The following SIMC1 variants were observed in gnomAD, a reference collection of about 807,000 sequenced individuals.
The protein encoded by SIMC1 is SUMO-interacting motif-containing protein 1.
SIMC1 carries 55 observed loss-of-function variants against 82.3 expected under a neutral mutation model. The ratio of observed to expected loss-of-function variants is 0.67; its 90% CI spans 0.54 to 0.84. The LOEUF is 0.84. Among genes scored for constraint, SIMC1 ranks in the 40% least tolerant of loss-of-function variants. SIMC1 has a pLI of 0.00. For synonymous variants in SIMC1, 353 were observed against 426.3 expected, an observed-to-expected ratio of 0.83 and a Z score of 2.12; for missense variants, 915 against 1,107.2, an observed-to-expected ratio of 0.83 and a Z score of 2.46.
At chr5:176,280,903 T>C (rs1193680605) in intron 1 of SIMC1, among the ~76,000 whole-genome samples, 1 of 152,188 alleles carries the variant, frequency 6.6e-6, no homozygotes, top group Non-Finnish European at 1.5e-5. Context: ...CTGACAATTA[T>C]GTGTCTTGGA....
chr5:176,323,398 C>A (rs911008550), intron 6 of SIMC1, among the ~76,000 whole-genome samples: 2 of 152,110 alleles, frequency 1.3e-5, no homozygotes, highest in Admixed American at 1.3e-4. Context: ...ACAATAGGGT[C>A]CCCTAAAAGT....
At chr5:176,260,774 C>T (rs1052753824) in intron 1 of SIMC1, among the ~76,000 whole-genome samples, 12 of 152,064 alleles carry the variant, frequency 7.9e-5, no homozygotes, top group Non-Finnish European at 1.6e-4. Flanking sequence ...GTACAGAACT[C>T]CCACCTTCAG....
intron 4 of SIMC1, among the ~76,000 whole-genome samples, chr5:176,307,167 A>C (rs1408605948): frequency 6.6e-6 from 1 of 152,226 alleles, no homozygotes; most frequent in Non-Finnish European, 1.5e-5. Context: ...AAGTGTGGGC[A>C]AGAATTTGGA....
At chr5:176,252,988 A>C (rs1258840336) in intron 1 of SIMC1, among the ~76,000 whole-genome samples, 1 of 152,132 alleles carries the variant, frequency 6.6e-6, no homozygotes, top group Non-Finnish European at 1.5e-5. Flanking sequence ...AAAAATACGA[A>C]AACCAGTCAG....
At chr5:176,245,362 G>A (rs1263592329) in intron 1 of SIMC1, among the ~76,000 whole-genome samples, 5 of 152,146 alleles carry the variant, frequency 3.3e-5, no homozygotes, top group African/African-American at 4.8e-5. Context: ...AAAAAGGCAT[G>A]AAACAGATTC....
At chr5:176,258,156 G>A (rs1384090326) in intron 1 of SIMC1, among the ~76,000 whole-genome samples, 2 of 152,118 alleles carry the variant, frequency 1.3e-5, no homozygotes, top group South Asian at 2.1e-4. Context: ...CTAGTGTTTC[G>A]ATTTTGAATG....
chr5:176,308,842 C>T lies in SIMC1; in HGVS notation c.1735-4849C>T. ...AGCCTTACACATCTGGACTCATAAC[C>T]AAGATCCATAATGGCTCAGTGTTTA... On this transcript the variant is annotated intron_variant, in intron 4 of 9. Coordinates refer to ENST00000429602, the MANE Select transcript of SIMC1 (RefSeq NM_001308195.2). 3 of 1,249,854 alleles carry T rather than the reference C, an allele frequency of 2.4e-6. No individual in the cohort carries two copies. In the South Asian group the frequency reaches 3.6e-5, roughly 15 times the overall value. 77.4% of individuals were successfully genotyped at this position (1,249,854 alleles called of 1,614,324 possible).
At chr5:176,340,847 C>T (rs1054714937) in intron 9 of SIMC1, among the ~76,000 whole-genome samples, 20 of 152,288 alleles carry the variant, frequency 1.3e-4, no homozygotes, top group African/African-American at 4.3e-4. Context: ...AGTGATACCT[C>T]ATCTAAGACA....
At chr5:176,340,786 C>T (rs1766103583) in intron 9 of SIMC1, among the ~76,000 whole-genome samples, 1 of 152,158 alleles carries the variant, frequency 6.6e-6, no homozygotes, top group African/African-American at 2.4e-5. Flanking sequence ...GAAGGAAGTA[C>T]AAGTGCACAA....
rs750777236 is a variant in SIMC1, at chr5:176,290,031, C to T, written c.507C>T (p.Asn169=). The part of the protein sequence containing the change: ...PNCSSATFTG[N]LSFLASLQLS... ...GTAGCTCAGCCACATTCACAGGTAA[C>T]CTCAGCTTCTTGGCAAGTCTACAGC... is the stretch of plus-strand genomic sequence containing the variant. Residue 169 remains asparagine, a synonymous_variant, in exon 2 of 10, where the codon AAC becomes AAT. Coordinates refer to ENST00000429602, the MANE Select transcript of SIMC1 (RefSeq NM_001308195.2). 1.1e-5 allele frequency: 18 copies of T among 1,613,352 alleles called. No individual in the cohort carries two copies. Among genetic ancestry groups the T allele is most frequent in the Admixed American group, 3.3e-5 (2 of 59,834 alleles).
At chr5:176,260,457 A>T (rs1233433768) in intron 1 of SIMC1, among the ~76,000 whole-genome samples, 2 of 152,176 alleles carry the variant, frequency 1.3e-5, no homozygotes, top group Admixed American at 6.5e-5. Flanking sequence ...AAACCTATGA[A>T]ACTAAAAAGA....
intron 7 of SIMC1, among the ~76,000 whole-genome samples, chr5:176,328,420 G>A (rs766486681): frequency 5.3e-5 from 8 of 151,882 alleles, no homozygotes; most frequent in Admixed American, 1.3e-4. Context: ...TACTGGGCTC[G>A]GTGGTAATGG....
chr5:176,290,255 C>G lies in SIMC1; in HGVS notation c.731C>G (p.Pro244Arg), dbSNP rs1217427146. 2 of 1,613,738 alleles carry G rather than the reference C, an allele frequency of 1.2e-6. No homozygotes were observed. The highest frequency in any genetic ancestry group is 2.7e-5 in the African/African-American group (2 of 74,864). The change falls in exon 2 of 10, where the codon CCA becomes CGA. Residue 244 changes from proline to arginine, a missense_variant. This residue lies in a region of SIMC1 where 902 missense variants were observed against 1,040.3 expected (regional missense o/e 0.87). Transcript: ENST00000429602. Reference protein sequence around the residue: ...PCPPRASSCPPRALSCPSQTM... With the variant: ...PCPPRASSCPRRALSCPSQTM... Reference sequence around the variant, plus strand: ...CCACCACGAGCCTCCTCATGCCCACCACGAGCCTTGTCATGCCCATCACAA... The same window carrying G: ...CCACCACGAGCCTCCTCATGCCCACGACGAGCCTTGTCATGCCCATCACAA...
intron 4 of SIMC1, among the ~76,000 whole-genome samples, chr5:176,305,155 C>T (rs1217729446): frequency 9.5e-6 from 1 of 105,284 alleles, no homozygotes; most frequent in Admixed American, 8.9e-5. Context: ...GGGTCAGCCC[C>T]CCGCCTGGCC....
intron 7 of SIMC1, among the ~76,000 whole-genome samples, chr5:176,331,435 C>G (rs1765664847): frequency 6.6e-6 from 1 of 150,894 alleles, no homozygotes; most frequent in African/African-American, 2.4e-5. Context: ...CCTGCCTCAG[C>G]CTTCTGAGTA....
chr5:176,313,885 G>A (rs776812429), intron 5 of SIMC1, 40 bp downstream of exon 5: 5 of 1,608,426 alleles, frequency 3.1e-6, no homozygotes. Context: ...AAGAGGTAAG[G>A]GATTATAGGT....
chr5:176,326,056 A>C, intron 7 of SIMC1, among the ~76,000 whole-genome samples: 1 of 152,220 alleles, frequency 6.6e-6, no homozygotes, highest in East Asian at 1.9e-4. Context: ...AACTAGAATG[A>C]ATATGAATTC....
chr5:176,261,510 GC>G (rs1433740118), intron 1 of SIMC1, among the ~76,000 whole-genome samples: 2 of 152,138 alleles, frequency 1.3e-5, no homozygotes, highest in Non-Finnish European at 2.9e-5. Context: ...TCTTTGGAAG[GC>G]CGAGGCAGGT....
intron 7 of SIMC1, among the ~76,000 whole-genome samples, chr5:176,333,639 A>G (rs932209215): frequency 1.3e-5 from 2 of 152,172 alleles, no homozygotes; most frequent in African/African-American, 4.8e-5. Context: ...CGTGTTGGCC[A>G]GGCTGGTCTT....
Sources: allele counts gnomAD v4.1 joint callset (sites outside exome capture counted in the v4.1 genomes callset), GRCh38; gene constraint gnomAD v4.1.1; regional missense constraint gnomAD v4.1.1; transcripts MANE v1.5; gene names NCBI Gene and HGNC (gene_info 2026-07-23, HGNC 2026-07-21).